The following FHIT variants were observed in gnomAD, a reference collection of about 807,000 sequenced individuals.
The protein encoded by FHIT is fragile histidine triad diadenosine triphosphatase.
A neutral mutation model predicts 17.9 loss-of-function variants in FHIT; 19 were observed. The observed-to-expected ratio is 1.06, with a 90% confidence interval of 0.74 to 1.56. The LOEUF (loss-of-function observed/expected upper bound fraction) is 1.56, where lower values mean the gene tolerates loss of function less well. Among genes scored for constraint, FHIT ranks in the 40% most tolerant of loss-of-function variants. FHIT has a pLI of 0.00. For synonymous variants in FHIT, 81 were observed against 69.7 expected, an observed-to-expected ratio of 1.16 and a Z score of -0.81; for missense variants, 248 against 189.2, an observed-to-expected ratio of 1.31 and a Z score of -1.82.
At chr3:60,155,299 T>C (rs1049157236) in intron 5 of FHIT, among the ~76,000 whole-genome samples, 2 of 152,134 alleles carry the variant, frequency 1.3e-5, no homozygotes, top group Admixed American at 6.5e-5. Context: ...GTACTTTCCA[T>C]TCTTTGAACC....
chr3:59,925,794 G>A (rs144013704), intron 7 of FHIT, among the ~76,000 whole-genome samples: 172 of 152,264 alleles, frequency 1.1e-3, no homozygotes, highest in African/African-American at 4.0e-3. Context: ...CTGATCACAC[G>A]ATGCTGACAA....
chr3:60,711,064 C>T (rs2041516338), intron 4 of FHIT, among the ~76,000 whole-genome samples: 1 of 152,162 alleles, frequency 6.6e-6, no homozygotes, highest in Admixed American at 6.5e-5. Context: ...CTGGGTACTT[C>T]TCTGAGACAA....
intron 7 of FHIT, among the ~76,000 whole-genome samples, chr3:59,932,229 A>G (rs556075684): frequency 1.3e-5 from 2 of 152,300 alleles, no homozygotes; most frequent in African/African-American, 4.8e-5. Flanking sequence ...ATCACATAAA[A>G]TGCTGTGATA....
chr3:59,842,365 T>C (rs961446700), intron 8 of FHIT, among the ~76,000 whole-genome samples: 4 of 152,224 alleles, frequency 2.6e-5, no homozygotes, highest in Non-Finnish European at 4.4e-5. Context: ...GTGCTATGAA[T>C]GTGGGTGAAC....
intron 4 of FHIT, among the ~76,000 whole-genome samples, chr3:60,704,376 T>A (rs2041321158): frequency 2.0e-5 from 3 of 152,186 alleles, no homozygotes; most frequent in Admixed American, 2.0e-4. Flanking sequence ...AAGAATTATT[T>A]TTCCCCCACA....
At chr3:60,323,271 G>A (rs894818673) in intron 5 of FHIT, among the ~76,000 whole-genome samples, 31 of 152,004 alleles carry the variant, frequency 2.0e-4, no homozygotes, top group African/African-American at 3.4e-4. Flanking sequence ...TCTACATAAC[G>A]TCAAGCGTCT....
chr3:60,785,621 G>A (rs1300974200), intron 4 of FHIT, among the ~76,000 whole-genome samples: 1 of 152,094 alleles, frequency 6.6e-6, no homozygotes, highest in African/African-American at 2.4e-5. Flanking sequence ...AGGCACAGGG[G>A]GCAAAATTTG....
chr3:60,685,759 A>T (rs971221049), intron 4 of FHIT, among the ~76,000 whole-genome samples: 2 of 152,194 alleles, frequency 1.3e-5, no homozygotes, highest in Non-Finnish European at 2.9e-5. Flanking sequence ...ATCTATTTAC[A>T]AACTCCCTCT....
intron 5 of FHIT, among the ~76,000 whole-genome samples, chr3:60,205,824 T>C (rs6787176): frequency 0.29 from 43,604 of 151,764 alleles, 6,886 homozygotes; most frequent in African/African-American, 0.42. Flanking sequence ...AAATAACACT[T>C]AAGGCTGGGC....
intron 5 of FHIT, among the ~76,000 whole-genome samples, chr3:60,086,372 G>T (rs573642412): frequency 6.6e-6 from 1 of 152,136 alleles, no homozygotes; most frequent in African/African-American, 2.4e-5. Flanking sequence ...TTCCACTCCT[G>T]GATTCCCAAA....
intron 8 of FHIT, among the ~76,000 whole-genome samples, chr3:59,775,760 G>T (rs1702278420): frequency 6.6e-6 from 1 of 152,102 alleles, no homozygotes; most frequent in Non-Finnish European, 1.5e-5. Flanking sequence ...CTTTAAATGA[G>T]AAAAAGACTG....
At chr3:59,800,353 A>T (rs997458639) in intron 8 of FHIT, among the ~76,000 whole-genome samples, 1 of 152,198 alleles carries the variant, frequency 6.6e-6, no homozygotes, top group Admixed American at 6.5e-5. Context: ...AATACAACAT[A>T]ATGATCATAA....
At chr3:61,025,078 C>G (rs17685850) in intron 3 of FHIT, among the ~76,000 whole-genome samples, 40,039 of 151,968 alleles carry the variant, frequency 0.26, 6,177 homozygotes, top group African/African-American at 0.44. Context: ...ATATAGCTTG[C>G]CTACCTTAAA....
intron 5 of FHIT, among the ~76,000 whole-genome samples, chr3:60,138,689 G>T (rs552671444): frequency 6.6e-6 from 1 of 152,006 alleles, no homozygotes. Context: ...TGAGCTTTTC[G>T]AAGTACAGAG....
chr3:61,187,672 T>C (rs1486013567), intron 2 of FHIT, among the ~76,000 whole-genome samples: 31 of 152,106 alleles, frequency 2.0e-4, no homozygotes, highest in Admixed American at 2.0e-3. Context: ...ATTGACCACA[T>C]AGTTGGAAGT....
intron 4 of FHIT, among the ~76,000 whole-genome samples, chr3:60,743,382 C>T (rs11914567): frequency 0.27 from 40,993 of 152,064 alleles, 5,701 homozygotes; most frequent in Middle Eastern, 0.34. Context: ...TGTTGAACTG[C>T]TATTATGCAG....
intron 4 of FHIT, among the ~76,000 whole-genome samples, chr3:60,754,471 C>T (rs1350255402): frequency 1.3e-5 from 2 of 152,150 alleles, no homozygotes; most frequent in Non-Finnish European, 2.9e-5. Context: ...TCATCTCTTA[C>T]TCTTTTTATA....
chr3:60,390,396 T>TAAAAAAAA (rs869078939), intron 5 of FHIT, among the ~76,000 whole-genome samples: 3 of 32,026 alleles, frequency 9.4e-5, no homozygotes, highest in African/African-American at 2.4e-4. Flanking sequence ...GTAATGGAGC[T>TAAAAAAAA]AAAAAAAAAA....
At chr3:59,760,481 G>A (rs1028340059) in intron 8 of FHIT, among the ~76,000 whole-genome samples, 1 of 151,438 alleles carries the variant, frequency 6.6e-6, no homozygotes, top group African/African-American at 2.4e-5. Context: ...ATAGTCTTTG[G>A]AACATGCTAT....
Sources: allele counts gnomAD v4.1 joint callset (sites outside exome capture counted in the v4.1 genomes callset), GRCh38; gene constraint gnomAD v4.1.1; transcripts MANE v1.5; gene names NCBI Gene and HGNC (gene_info 2026-07-23, HGNC 2026-07-21).